Variants in SNAP91 observed in about 807,000 individuals in gnomAD.
The protein encoded by SNAP91 is clathrin coat assembly protein AP180.
Under a neutral mutation model 100.3 loss-of-function variants are expected in SNAP91, and 27 were observed. That is an observed-to-expected ratio of 0.27 (90% CI 0.20 to 0.37). The LOEUF (loss-of-function observed/expected upper bound fraction) is 0.37, where lower values mean the gene tolerates loss of function less well. Among genes scored for constraint, SNAP91 ranks in the 10% least tolerant of loss-of-function variants. SNAP91 has a pLI of 1.00. For synonymous variants in SNAP91, 404 were observed against 398.6 expected (o/e 1.01, Z -0.16); for missense variants, 986 against 1,123.7 (o/e 0.88, Z 1.75).
Position 83,560,948 on chromosome 6 carries a change from C to A in SNAP91, c.2443-1G>T. The A allele has an allele frequency of 1.2e-6, 2 of 1,600,068 alleles. No homozygotes were observed. The highest frequency in any genetic ancestry group is 1.7e-6 in the Non-Finnish European group (2 of 1,175,448). ...AACTGGTTGGAGGTACAGCTCCTTG[C>A]TACACAGATAGACAGACATACACAT... On this transcript the variant is annotated splice_acceptor_variant, in intron 26 of 29. Transcript: ENST00000369694. LOFTEE classifies it high-confidence loss of function.
intron 16 of SNAP91, among the ~76,000 whole-genome samples, chr6:83,599,169 A>T (rs1387365501): frequency 1.3e-5 from 2 of 152,250 alleles, no homozygotes; most frequent in African/African-American, 4.8e-5. Flanking sequence ...ATATAGTCAA[A>T]ACAGAAATAA....
At chr6:83,597,582 T>A (rs958689750) in intron 16 of SNAP91, among the ~76,000 whole-genome samples, 4 of 152,202 alleles carry the variant, frequency 2.6e-5, no homozygotes, top group African/African-American at 9.7e-5. Flanking sequence ...ATCCATAAAC[T>A]GAGCTGACTG....
chr6:83,553,418 A>G lies in SNAP91; in HGVS notation c.*878T>C, dbSNP rs1773692374. On this transcript the variant is annotated 3_prime_UTR_variant, in exon 30 of 30. Transcript: ENST00000369694. Reference sequence around the variant, plus strand: ...CAGTAAAGTAAAGATATTTGCAGTAATCTTTAAATTACAGATATACCTTGG... The same window carrying G: ...CAGTAAAGTAAAGATATTTGCAGTAGTCTTTAAATTACAGATATACCTTGG... The G allele has an allele frequency of 6.6e-6, 1 of 152,188 alleles. No homozygotes were observed. Among genetic ancestry groups the G allele is most frequent in the African/African-American group, 2.4e-5 (1 of 41,450 alleles). The allele number at this position is 152,188 out of a possible 1,614,324, so 9.4% of individuals were successfully genotyped here.
chr6:83,580,237 T>C (rs1826065809), intron 24 of SNAP91, among the ~76,000 whole-genome samples: 1 of 152,130 alleles, frequency 6.6e-6, no homozygotes, highest in South Asian at 2.1e-4. Context: ...ATGACATGGG[T>C]ATTGCTCGTG....
At chr6:83,576,626 C>A (rs1032737246) in intron 24 of SNAP91, among the ~76,000 whole-genome samples, 1 of 152,194 alleles carries the variant, frequency 6.6e-6, no homozygotes, top group Non-Finnish European at 1.5e-5. Context: ...GTGTGTTCTT[C>A]TCCTCAAGGG....
At chr6:83,690,868 A>G (rs574443896) in intron 2 of SNAP91, among the ~76,000 whole-genome samples, 1 of 152,210 alleles carries the variant, frequency 6.6e-6, no homozygotes, top group East Asian at 1.9e-4. Context: ...CTACACTATA[A>G]CACCATTTTA....
intron 26 of SNAP91, among the ~76,000 whole-genome samples, chr6:83,563,956 C>T (rs906019389): frequency 6.6e-6 from 1 of 151,850 alleles, no homozygotes; most frequent in African/African-American, 2.4e-5. Flanking sequence ...CAATGAAATC[C>T]CTATCAAAAT....
rs567017143 is a variant in SNAP91, at chr6:83,697,995, G to C, written c.130+9803C>G. Among the ~76,000 whole-genome samples, 40 of 152,116 alleles carry C rather than the reference G, an allele frequency of 2.6e-4. 2 individuals are homozygous for C. In the South Asian group the frequency reaches 8.3e-3, roughly 32 times the overall value. ...GGATATGAAAGAAACAAATGCACAG[G>C]GGGCCATGTAGGCACTGAAAAGAAA... is the stretch of plus-strand genomic sequence containing the variant. On this transcript the variant is annotated intron_variant, in intron 2 of 29. Transcript: ENST00000369694.
At chr6:83,589,660 G>C (rs1194465752) in intron 22 of SNAP91, among the ~76,000 whole-genome samples, 1 of 152,104 alleles carries the variant, frequency 6.6e-6, no homozygotes, top group Non-Finnish European at 1.5e-5. Context: ...GAAAGGATGG[G>C]AAAGACACTA....
rs375258370 is a variant in SNAP91 at position 83,609,564 on chromosome 6, T to C, written c.912+1086A>G. ...TGAATATCTGTAATGACAGCAATTA[T>C]ATAATGGAAATTTGTCAAAGAGGAA... On this transcript the variant is annotated intron_variant, in intron 12 of 29. Coordinates refer to ENST00000369694, the MANE Select transcript of SNAP91 (RefSeq NM_001242792.2). 5.3e-5 allele frequency among the ~76,000 whole-genome samples: 8 copies of C among 152,316 alleles called. No individual in the cohort carries two copies. In the East Asian group the frequency reaches 1.5e-3, roughly 29 times the overall value.
intron 8 of SNAP91, among the ~76,000 whole-genome samples, chr6:83,636,176 G>A (rs192539698): frequency 1.3e-5 from 2 of 152,130 alleles, no homozygotes; most frequent in Admixed American, 1.3e-4. Flanking sequence ...ATCTTGTAGG[G>A]GTTCTCTGAA....
chr6:83,678,394 C>T lies in SNAP91; in HGVS notation c.131-12813G>A, dbSNP rs75811281. On this transcript the variant is annotated intron_variant, in intron 2 of 29. Transcript: ENST00000369694. Reference sequence around the variant, plus strand: ...ATAGCTATTTTATCCTTATTTAACTCCTTATATTCAATACTTCCTGGTAGA... The same window carrying T: ...ATAGCTATTTTATCCTTATTTAACTTCTTATATTCAATACTTCCTGGTAGA... Among the ~76,000 whole-genome samples the T allele has an allele frequency of 1.4e-4, 22 of 152,112 alleles. No homozygotes were observed. The East Asian group carries it at 2.9e-3, about 20-fold the overall frequency.
chr6:83,634,465 C>T (rs1456431919), intron 8 of SNAP91, among the ~76,000 whole-genome samples: 1 of 152,130 alleles, frequency 6.6e-6, no homozygotes, highest in Admixed American at 6.5e-5. Flanking sequence ...TAGGAGCAAT[C>T]TGCTTTCTTC....
chr6:83,603,313 A>T (rs987776285), intron 14 of SNAP91, among the ~76,000 whole-genome samples: 1 of 152,174 alleles, frequency 6.6e-6, no homozygotes, highest in African/African-American at 2.4e-5. Flanking sequence ...TAGCTTACCT[A>T]TTGGGACAAC....
At chr6:83,580,802 T>G (rs1228947985) in intron 23 of SNAP91, among the ~76,000 whole-genome samples, 1 of 152,160 alleles carries the variant, frequency 6.6e-6, no homozygotes, top group Non-Finnish European at 1.5e-5. Context: ...ATGAAAATAC[T>G]AATGAACATG....
intron 22 of SNAP91, among the ~76,000 whole-genome samples, chr6:83,587,120 T>C (rs2092807706): frequency 6.6e-6 from 1 of 152,208 alleles, no homozygotes; most frequent in Non-Finnish European, 1.5e-5. Flanking sequence ...ATGATACCAA[T>C]TTTTAACAAA....
At chr6:83,655,144 A>C (rs992126004) in intron 7 of SNAP91, among the ~76,000 whole-genome samples, 2 of 152,206 alleles carry the variant, frequency 1.3e-5, no homozygotes, top group Non-Finnish European at 2.9e-5. Flanking sequence ...TTCAGAGACC[A>C]GTCACCTCAA....
Position 83,619,896 on chromosome 6 carries a change from A to C in SNAP91, c.808-2857T>G, listed in dbSNP as rs79205134. ...AGCATCATTAAAACCAAATTTAAAAAAAGCAATCATAAGATCATTCAAATT... is the reference window on the plus strand; with the variant it reads ...AGCATCATTAAAACCAAATTTAAAACAAGCAATCATAAGATCATTCAAATT... On this transcript the variant is annotated intron_variant, in intron 9 of 29. Transcript: ENST00000369694. 4.9e-4 allele frequency among the ~76,000 whole-genome samples: 75 copies of C among 152,320 alleles called. 1 individual carries two copies. In the East Asian group the frequency reaches 0.014, roughly 29 times the overall value.
chr6:83,661,444 C>T (rs2098542112), intron 5 of SNAP91, 58 bp downstream of exon 5: 1 of 1,042,404 alleles, frequency 9.6e-7, no homozygotes. Flanking sequence ...TAAAATAAAT[C>T]AAGTATGCCT....
Sources: gnomAD v4.1 joint callset for allele counts (sites outside exome capture counted in the v4.1 genomes callset) on GRCh38, gnomAD v4.1.1 for gene constraint, MANE v1.5 for transcripts, NCBI Gene and HGNC (gene_info 2026-07-23, HGNC 2026-07-21) for gene names.